The following SLC9C2 variants were observed in gnomAD, a reference collection of about 807,000 sequenced individuals.
SLC9C2 encodes solute carrier family 9 member C2 (putative), also known as sodium/hydrogen exchanger 11.
In SLC9C2, 75 loss-of-function variants were observed where a neutral mutation model predicts 140.2. The ratio of observed to expected loss-of-function variants is 0.53; its 90% CI spans 0.44 to 0.65. The LOEUF (loss-of-function observed/expected upper bound fraction) is 0.65, where lower values mean the gene tolerates loss of function less well. Among genes scored for constraint, SLC9C2 ranks in the 30% least tolerant of loss-of-function variants. The pLI is 0.00. For synonymous variants in SLC9C2, 375 were observed against 420.9 expected, an observed-to-expected ratio of 0.89 and a Z score of 1.34; for missense variants, 1,074 against 1,331.8, an observed-to-expected ratio of 0.81 and a Z score of 3.01.
At chr1:173,589,971 C>T (rs533297240) in intron 4 of SLC9C2, among the ~76,000 whole-genome samples, 19 of 152,194 alleles carry the variant, frequency 1.2e-4, no homozygotes, top group African/African-American at 3.9e-4. Context: ...GGCCTGGCAC[C>T]GTGGCTCACT....
intron 13 of SLC9C2, among the ~76,000 whole-genome samples, chr1:173,542,909 A>G (rs1441395263): frequency 6.6e-6 from 1 of 152,214 alleles, no homozygotes. Context: ...ATCATACTCA[A>G]TGGGCAAAAA....
At chr1:173,593,504 A>C (rs1249732550) in intron 4 of SLC9C2, among the ~76,000 whole-genome samples, 3 of 152,214 alleles carry the variant, frequency 2.0e-5, no homozygotes, top group Non-Finnish European at 4.4e-5. Flanking sequence ...TGGGCAGTAG[A>C]GTGAGACTCT....
intron 9 of SLC9C2, among the ~76,000 whole-genome samples, chr1:173,561,478 C>G (rs1166100704): frequency 6.6e-6 from 1 of 152,200 alleles, no homozygotes; most frequent in Non-Finnish European, 1.5e-5. Flanking sequence ...CATCCTCTGA[C>G]CTCAGACTAA....
At chr1:173,533,417 C>T (rs191995571) in intron 17 of SLC9C2, among the ~76,000 whole-genome samples, 192 bp downstream of exon 17, 232 of 152,040 alleles carry the variant, frequency 1.5e-3, no homozygotes, top group Non-Finnish European at 2.9e-3. Flanking sequence ...TAGCTGGGAC[C>T]ACAGGTGCAC....
chr1:173,548,645 T>G, intron 11 of SLC9C2, 93 bp from the exon 12 acceptor site: 1 of 1,364,658 alleles, frequency 7.3e-7, no homozygotes. Context: ...AGTGAAATCT[T>G]GAGATCACCT....
intron 18 of SLC9C2, among the ~76,000 whole-genome samples, chr1:173,529,566 GCCTTTTT>G (rs1401714409): frequency 6.6e-6 from 1 of 150,452 alleles, no homozygotes; most frequent in African/African-American, 2.5e-5. Context: ...TTTCTTTGAA[GCCTTTTT>G]CAAGTCTCAA....
chr1:173,536,011 T>G, intron 14 of SLC9C2, 62 bp from the exon 15 acceptor site: 15 of 1,379,042 alleles, frequency 1.1e-5, no homozygotes, highest in Non-Finnish European at 1.4e-5. Flanking sequence ...TTTGGGTTAA[T>G]ATAAAAGGGG....
intron 9 of SLC9C2, among the ~76,000 whole-genome samples, chr1:173,564,295 T>C (rs1241777403): frequency 1.3e-5 from 2 of 152,214 alleles, no homozygotes; most frequent in African/African-American, 2.4e-5. Context: ...TTTGTAGTGG[T>C]TGTACTAATC....
At chr1:173,531,914 C>T (rs1299196420) in intron 17 of SLC9C2, among the ~76,000 whole-genome samples, 5 of 152,180 alleles carry the variant, frequency 3.3e-5, no homozygotes, top group Non-Finnish European at 7.3e-5. Context: ...GTCTTTGCAT[C>T]ACACAACACA....
chr1:173,524,705 T>C (rs1661073395), intron 20 of SLC9C2, 74 bp downstream of exon 20: 2 of 1,515,632 alleles, frequency 1.3e-6, no homozygotes, highest in Admixed American at 2.0e-5. Flanking sequence ...TTTTTCAATC[T>C]CCCTCCTTAT....
chr1:173,538,187 G>A (rs1157542861), intron 13 of SLC9C2, among the ~76,000 whole-genome samples: 1 of 152,166 alleles, frequency 6.6e-6, no homozygotes, highest in Non-Finnish European at 1.5e-5. Flanking sequence ...GCAATGGCCA[G>A]GCTCTCTCTA....
chr1:173,532,880 C>T (rs2101991439), intron 17 of SLC9C2, among the ~76,000 whole-genome samples: 1 of 152,184 alleles, frequency 6.6e-6, no homozygotes, highest in Middle Eastern at 3.4e-3. Context: ...GATCCCATTT[C>T]TATTAAAAAA....
intron 9 of SLC9C2, among the ~76,000 whole-genome samples, chr1:173,570,397 T>C (rs1455699515): frequency 6.6e-6 from 1 of 152,058 alleles, no homozygotes; most frequent in African/African-American, 2.4e-5. Flanking sequence ...AGTGCCCTAT[T>C]CTGCTGTGGT....
At chr1:173,550,591 A>G (rs566554969) in intron 11 of SLC9C2, among the ~76,000 whole-genome samples, 1 of 151,556 alleles carries the variant, frequency 6.6e-6, no homozygotes, top group African/African-American at 2.4e-5. Flanking sequence ...GGCATGCGCC[A>G]CCATGCCCAG....
chr1:173,521,220 TA>T, intron 22 of SLC9C2, 80 bp downstream of exon 22: 2 of 814,536 alleles, frequency 2.5e-6, no homozygotes, highest in Non-Finnish European at 3.6e-6. Flanking sequence ...TTTCAGTATC[TA>T]AATTTATTCT....
chr1:173,550,566 G>A (rs1313147471), intron 11 of SLC9C2, among the ~76,000 whole-genome samples: 3 of 151,536 alleles, frequency 2.0e-5, no homozygotes, highest in African/African-American at 7.3e-5. Flanking sequence ...AGCCTCCCAA[G>A]TAGCTGGGAC....
chr1:173,587,655 T>G lies in SLC9C2; in HGVS notation c.523+10A>C. 6.2e-7 allele frequency: 1 copy of G among 1,600,364 alleles called. No homozygotes were observed. Among genetic ancestry groups the G allele is most frequent in the Non-Finnish European group, 8.5e-7 (1 of 1,172,460 alleles). On this transcript the variant is annotated intron_variant, in intron 5 of 27. Transcript: ENST00000367714. ...TTTCAAGATAAGAGAGAGAAATAAATGTGACATACCAATAGTTTTTAGTGA... is the reference window on the plus strand; with the variant it reads ...TTTCAAGATAAGAGAGAGAAATAAAGGTGACATACCAATAGTTTTTAGTGA...
At chr1:173,518,087 C>G (rs1466157745) in intron 22 of SLC9C2, among the ~76,000 whole-genome samples, 1 of 151,952 alleles carries the variant, frequency 6.6e-6, no homozygotes, top group African/African-American at 2.4e-5. Context: ...GGTGAAACCC[C>G]GTCTCTGCTA....
chr1:173,529,910 A>G lies in SLC9C2; in HGVS notation c.2308T>C (p.Tyr770His), dbSNP rs1166897239. Residue 770 changes from tyrosine (Y) to histidine (H), a missense_variant, in exon 18 of 28, where the codon TAT becomes CAT. By Grantham distance (83) the Tyr-to-His change is moderately conservative. Transcript: ENST00000367714. ...IKQIAVCESIYQKLCEILETN... is the reference protein window; with the variant it reads ...IKQIAVCESIHQKLCEILETN... ...GACCAGTGCTTGTTTCTCACCTGATATATTGATTCACAGACAGCTATTTGT... is the reference window on the plus strand; with the variant it reads ...GACCAGTGCTTGTTTCTCACCTGATGTATTGATTCACAGACAGCTATTTGT... 9 of 1,607,160 alleles carry G rather than the reference A, an allele frequency of 5.6e-6. No homozygotes were observed. The East Asian group carries it at 1.6e-4, about 28-fold the overall frequency.
Sources: allele counts gnomAD v4.1 joint callset (sites outside exome capture counted in the v4.1 genomes callset), GRCh38; gene constraint gnomAD v4.1.1; transcripts MANE v1.5; gene names NCBI Gene and HGNC (gene_info 2026-07-23, HGNC 2026-07-21).